Variants in STXBP5 observed in about 807,000 individuals in gnomAD.
STXBP5 encodes the protein syntaxin binding protein 5.
STXBP5 carries 50 observed loss-of-function variants against 152.4 expected under a neutral mutation model. The ratio of observed to expected loss-of-function variants is 0.33; its 90% CI spans 0.26 to 0.42. STXBP5 has a LOEUF of 0.42. Ranked by LOEUF, STXBP5 falls within the 10% of genes least tolerant of loss-of-function variation. The pLI, the probability that STXBP5 is intolerant of heterozygous loss-of-function variation, is 1.00. For synonymous variants in STXBP5, 492 were observed against 494.7 expected (o/e 0.99, Z 0.07); for missense variants, 1,167 against 1,388.6 (o/e 0.84, Z 2.54).
chr6:147,207,191 A>G (rs1314073233), intron 2 of STXBP5, among the ~76,000 whole-genome samples: 2 of 152,156 alleles, frequency 1.3e-5, no homozygotes, highest in Admixed American at 6.5e-5. Flanking sequence ...CATTATTTCA[A>G]AGAAGTACTA....
intron 18 of STXBP5, among the ~76,000 whole-genome samples, chr6:147,333,184 T>C (rs766310192): frequency 1.2e-4 from 19 of 152,100 alleles, no homozygotes; most frequent in Non-Finnish European, 2.4e-4. Context: ...AAAAACCAGG[T>C]TTTCTTCCAG....
At chr6:147,352,106 T>C (rs1010568811) in intron 21 of STXBP5, among the ~76,000 whole-genome samples, 2 of 152,212 alleles carry the variant, frequency 1.3e-5, no homozygotes, top group Non-Finnish European at 2.9e-5. Flanking sequence ...GGAAAGTGGA[T>C]TCCAGTAAGT....
At chr6:147,280,996 G>A (rs1253892738) in intron 8 of STXBP5, among the ~76,000 whole-genome samples, 2 of 152,082 alleles carry the variant, frequency 1.3e-5, no homozygotes, top group African/African-American at 4.8e-5. Context: ...TTCCTTTCAA[G>A]TGTAATAGGG....
intron 16 of STXBP5, among the ~76,000 whole-genome samples, chr6:147,319,449 A>G (rs1782803971): frequency 6.6e-6 from 1 of 152,218 alleles, no homozygotes; most frequent in Admixed American, 6.5e-5. Context: ...ACCTTTGAGC[A>G]TATGACAAGT....
intron 9 of STXBP5, among the ~76,000 whole-genome samples, chr6:147,298,806 G>A (rs1263277660): frequency 6.6e-6 from 1 of 151,886 alleles, no homozygotes; most frequent in African/African-American, 2.4e-5. Context: ...AATATACTGA[G>A]GCCTATGGAA....
intron 25 of STXBP5, among the ~76,000 whole-genome samples, chr6:147,364,531 T>A (rs1785206647): frequency 6.6e-6 from 1 of 152,240 alleles, no homozygotes; most frequent in African/African-American, 2.4e-5. Flanking sequence ...GAGTCTATTT[T>A]CGGGCAAATT....
chr6:147,226,335 T>G (rs1411131804), intron 2 of STXBP5, among the ~76,000 whole-genome samples: 1 of 151,938 alleles, frequency 6.6e-6, no homozygotes, highest in Non-Finnish European at 1.5e-5. Context: ...ACATAAAACA[T>G]GTTTCTTAGG....
chr6:147,339,193 C>T lies in STXBP5; in HGVS notation c.2161C>T (p.His721Tyr). ...KSPTSGSSSP[H>Y]NSDDEQKMNN... ...CATTTGTGTAGGTTCTTCATCACCA[C>T]ACAATTCAGATGATGAACAAAAAAT... The change falls in exon 20 of 28, where the codon CAC (histidine) becomes TAC (tyrosine). Residue 721 changes from histidine (H) to tyrosine (Y), a missense_variant. This residue lies in a region of STXBP5 where 833 missense variants were observed against 986.3 expected (regional missense o/e 0.84). Coordinates refer to ENST00000321680, the MANE Select transcript of STXBP5 (RefSeq NM_001127715.4). 2 of 1,540,736 alleles carry T rather than the reference C, an allele frequency of 1.3e-6. No homozygotes were observed. The highest frequency in any genetic ancestry group is 1.2e-5 in the South Asian group (1 of 81,514).
chr6:147,211,063 A>G (rs1776822758), intron 2 of STXBP5, among the ~76,000 whole-genome samples: 1 of 152,234 alleles, frequency 6.6e-6, no homozygotes, highest in Admixed American at 6.5e-5. Flanking sequence ...CTGTAATCCC[A>G]GCACTTTGGG....
chr6:147,354,181 C>T (rs535749410), intron 22 of STXBP5, among the ~76,000 whole-genome samples: 2 of 152,216 alleles, frequency 1.3e-5, no homozygotes, highest in South Asian at 4.2e-4. Flanking sequence ...CTCTAGATTT[C>T]TTGACTATGT....
At position 147,388,811 on chromosome 6, in the gene STXBP5, T is replaced by G. The variant is rs929439688; in HGVS notation, c.*4056T>G. ...CTTAACTATTGTTTTAAAATATAGATATATATATATATATTTAAAATAGTT... is the reference window on the plus strand; with the variant it reads ...CTTAACTATTGTTTTAAAATATAGAGATATATATATATATTTAAAATAGTT... On this transcript the variant is annotated 3_prime_UTR_variant, in exon 28 of 28. Coordinates refer to ENST00000321680, the MANE Select transcript of STXBP5 (RefSeq NM_001127715.4). 5.7e-5 allele frequency: 8 copies of G among 140,562 alleles called. No homozygotes were observed. The highest frequency in any genetic ancestry group is 1.9e-4 in the East Asian group (1 of 5,150). The allele number at this position is 140,562 out of a possible 1,614,324, so 8.7% of individuals were successfully genotyped here. A position where few individuals can be genotyped will look rare whatever the true frequency, so the allele number is the denominator to read the frequency against.
intron 19 of STXBP5, among the ~76,000 whole-genome samples, chr6:147,336,842 A>T (rs926250475): frequency 6.6e-6 from 1 of 152,112 alleles, no homozygotes; most frequent in African/African-American, 2.4e-5. Flanking sequence ...ATTTAAAATA[A>T]TTCATATATG....
intron 26 of STXBP5, among the ~76,000 whole-genome samples, chr6:147,376,467 A>G (rs1002885722): frequency 2.0e-5 from 3 of 152,182 alleles, no homozygotes; most frequent in African/African-American, 7.2e-5. Flanking sequence ...AAATAATGGT[A>G]ATAAATGTAG....
At chr6:147,288,193 G>A (rs1457031309) in intron 8 of STXBP5, among the ~76,000 whole-genome samples, 1 of 152,158 alleles carries the variant, frequency 6.6e-6, no homozygotes, top group Non-Finnish European at 1.5e-5. Flanking sequence ...AATGCCCTGG[G>A]GGTAGGGATT....
At chr6:147,264,259 T>G (rs1364303171) in intron 6 of STXBP5, among the ~76,000 whole-genome samples, 1 of 152,046 alleles carries the variant, frequency 6.6e-6, no homozygotes, top group Non-Finnish European at 1.5e-5. Flanking sequence ...ACTGCCACAT[T>G]AAGTGAAGGT....
intron 4 of STXBP5, among the ~76,000 whole-genome samples, chr6:147,240,983 T>C (rs1778512620): frequency 6.6e-6 from 1 of 152,312 alleles, no homozygotes; most frequent in South Asian, 2.1e-4. Flanking sequence ...ATGGGATATC[T>C]TGAAGTTTGT....
At chr6:147,341,902 A>G (rs1191233278) in intron 21 of STXBP5, among the ~76,000 whole-genome samples, 1 of 152,164 alleles carries the variant, frequency 6.6e-6, no homozygotes, top group Admixed American at 6.5e-5. Context: ...CAATCCACAC[A>G]ATAATCCCAG....
chr6:147,327,385 C>T, intron 18 of STXBP5, 109 bp downstream of exon 18: 1 of 1,311,468 alleles, frequency 7.6e-7, no homozygotes, highest in African/African-American at 1.5e-5. Context: ...CTGATTTAGT[C>T]TGTATATATA....
chr6:147,367,553 G>T (rs370491015), intron 25 of STXBP5, among the ~76,000 whole-genome samples: 2 of 152,088 alleles, frequency 1.3e-5, no homozygotes, highest in African/African-American at 2.4e-5. Context: ...CAGGAGAATC[G>T]CTTGAACCCG....
Sources: allele counts gnomAD v4.1 joint callset (sites outside exome capture counted in the v4.1 genomes callset), GRCh38; gene constraint gnomAD v4.1.1; regional missense constraint gnomAD v4.1.1; transcripts MANE v1.5; gene names NCBI Gene and HGNC (gene_info 2026-07-23, HGNC 2026-07-21).